TSPAN11: variants seen among roughly 807,000 people sequenced by gnomAD.
TSPAN11 encodes the protein tetraspanin 11, also known as tetraspanin-11.
A neutral mutation model predicts 32.9 loss-of-function variants in TSPAN11; 29 were observed. The ratio of observed to expected loss-of-function variants is 0.88; its 90% CI spans 0.66 to 1.20. The LOEUF is 1.20. Ranked by LOEUF, TSPAN11 falls within the 50% of genes most tolerant of loss-of-function variation. The pLI is 0.00. For synonymous variants in TSPAN11, 140 were observed against 141.3 expected (o/e 0.99, Z 0.07); for missense variants, 283 against 329.1 (o/e 0.86, Z 1.08).
At chr12:30,960,766 C>T (rs754342969) in intron 2 of TSPAN11, among the ~76,000 whole-genome samples, 11 of 152,060 alleles carry the variant, frequency 7.2e-5, no homozygotes, top group Middle Eastern at 3.4e-3. Context: ...TGCCCAGGCG[C>T]GCTGGCTCAC....
chr12:30,926,847 G>A, intron 1 of TSPAN11, 51 bp downstream of exon 1: 2 of 972,850 alleles, frequency 2.1e-6, no homozygotes, highest in Non-Finnish European at 2.7e-6. Flanking sequence ...GAGGGGGCTG[G>A]GGGTCCAGGA....
chr12:30,967,293 G>A (rs191734525), intron 3 of TSPAN11, among the ~76,000 whole-genome samples: 6 of 152,354 alleles, frequency 3.9e-5, no homozygotes, highest in Admixed American at 2.6e-4. Flanking sequence ...GGCCTGCCCA[G>A]AGGGAACCAA....
chr12:30,987,688 A>C (rs143375818), intron 7 of TSPAN11, among the ~76,000 whole-genome samples: 1 of 152,288 alleles, frequency 6.6e-6, no homozygotes, highest in East Asian at 1.9e-4. Flanking sequence ...GCATCAGTGT[A>C]TTCGTGAAGC....
chr12:30,977,400 C>A (rs1036651811), intron 3 of TSPAN11, among the ~76,000 whole-genome samples: 7 of 152,348 alleles, frequency 4.6e-5, no homozygotes, highest in African/African-American at 1.7e-4. Flanking sequence ...TAGAATCCAG[C>A]CATCCCAGTG....
At chr12:31,012,287 G>A in the TSPAN11 span, among the ~76,000 whole-genome samples, 2 of 152,236 alleles carry the variant, frequency 1.3e-5, no homozygotes, top group African/African-American at 4.8e-5. Context: ...CGCCAGAGCA[G>A]CTCTCCTGGT....
At chr12:30,966,816 GGT>G (rs1938743925) in intron 3 of TSPAN11, among the ~76,000 whole-genome samples, 1 of 152,212 alleles carries the variant, frequency 6.6e-6, no homozygotes, top group South Asian at 2.1e-4. Flanking sequence ...AAGAGACAGG[GGT>G]GTAGTGAGGG....
intron 7 of TSPAN11, among the ~76,000 whole-genome samples, chr12:30,985,957 G>T (rs1939193559): frequency 6.6e-6 from 1 of 152,242 alleles, no homozygotes; most frequent in African/African-American, 2.4e-5. Flanking sequence ...AGTTTTCTCT[G>T]CTGTGGCCCA....
chr12:30,953,664 C>T (rs759875095), intron 1 of TSPAN11, among the ~76,000 whole-genome samples: 6 of 152,114 alleles, frequency 3.9e-5, no homozygotes, highest in Admixed American at 2.6e-4. Context: ...GTCCTGCAAC[C>T]CTGGTGAGAC....
chr12:30,970,812 G>T (rs1938833725), intron 3 of TSPAN11, among the ~76,000 whole-genome samples: 1 of 152,182 alleles, frequency 6.6e-6, no homozygotes, highest in African/African-American at 2.4e-5. Context: ...TTACAGGAAT[G>T]GCTGAAGGCT....
At chr12:30,946,269 A>G (rs1938265164) in intron 1 of TSPAN11, among the ~76,000 whole-genome samples, 1 of 152,238 alleles carries the variant, frequency 6.6e-6, no homozygotes, top group Admixed American at 6.5e-5. Context: ...CAAATTCTCC[A>G]GTGTCTCACC....
At chr12:30,977,968 C>G (rs1474697588) in intron 3 of TSPAN11, among the ~76,000 whole-genome samples, 1 of 152,190 alleles carries the variant, frequency 6.6e-6, no homozygotes, top group African/African-American at 2.4e-5. Flanking sequence ...TCACAGTCCA[C>G]GCTGGTCCCT....
intron 2 of TSPAN11, among the ~76,000 whole-genome samples, chr12:30,962,727 A>T (rs2352616): frequency 6.6e-6 from 1 of 151,916 alleles, no homozygotes; most frequent in Non-Finnish European, 1.5e-5. Flanking sequence ...TTGAGGAAGC[A>T]TCCCACACCC....
chr12:30,977,691 G>C (rs1939004266), intron 3 of TSPAN11, among the ~76,000 whole-genome samples: 2 of 152,124 alleles, frequency 1.3e-5, no homozygotes, highest in South Asian at 4.1e-4. Context: ...CCTGCAAGCA[G>C]AGTTGGTCGA....
chr12:30,939,933 G>T (rs1938126145), intron 1 of TSPAN11, among the ~76,000 whole-genome samples: 1 of 152,198 alleles, frequency 6.6e-6, no homozygotes, highest in African/African-American at 2.4e-5. Context: ...ATGTACAATG[G>T]ACATAGGTCT....
downstream of TSPAN11, among the ~76,000 whole-genome samples, chr12:30,998,607 T>C (rs995604553): frequency 2.0e-5 from 3 of 152,300 alleles, no homozygotes; most frequent in Admixed American, 1.3e-4. Flanking sequence ...GTGGGGGCCT[T>C]TGCATCAGGC....
At chr12:30,978,768 C>G (rs1005561614) in intron 4 of TSPAN11, 133 bp downstream of exon 4, 1 of 808,020 alleles carries the variant, frequency 1.2e-6, no homozygotes, top group Non-Finnish European at 2.1e-6. Flanking sequence ...CCCCGGCAAT[C>G]CCCCTACATA....
chr12:30,949,457 C>T (rs1438423330), intron 1 of TSPAN11, among the ~76,000 whole-genome samples: 1 of 152,004 alleles, frequency 6.6e-6, no homozygotes, highest in East Asian at 1.9e-4. Context: ...TACATGGTGG[C>T]AGCAAGAGAA....
At position 30,982,710 on chromosome 12, in the gene TSPAN11, T is replaced by A. The variant is rs758643329; in HGVS notation, c.615+20T>A. 6.5e-7 allele frequency: 1 copy of A among 1,537,986 alleles called. No homozygotes were observed. On this transcript the variant is annotated intron_variant, in intron 6 of 7. Coordinates refer to ENST00000546076, the MANE Select transcript of TSPAN11 (RefSeq NM_001370302.1). ...GTGGAGGTGAGCACCCAAGCTCAAG[T>A]TGGGGGTGAGGAGAGGGCCCTGGCC...
chr12:30,990,427 A>G (rs545633768), intron 7 of TSPAN11, among the ~76,000 whole-genome samples: 2 of 152,314 alleles, frequency 1.3e-5, no homozygotes, highest in South Asian at 2.1e-4. Context: ...CCACAGGAAA[A>G]TCATCAAACC....
Sources: gnomAD v4.1 joint callset for allele counts (sites outside exome capture counted in the v4.1 genomes callset) on GRCh38, gnomAD v4.1.1 for gene constraint, MANE v1.5 for transcripts, NCBI Gene and HGNC (gene_info 2026-07-23, HGNC 2026-07-21) for gene names.